ALDOA: variants seen among roughly 807,000 people sequenced by gnomAD.
The protein encoded by ALDOA is fructose-bisphosphate aldolase A.
Under a neutral mutation model 43.9 loss-of-function variants are expected in ALDOA, and 26 were observed. The ratio of observed to expected loss-of-function variants is 0.59; its 90% CI spans 0.43 to 0.82. ALDOA has a LOEUF of 0.82. Among genes scored for constraint, ALDOA ranks in the 40% least tolerant of loss-of-function variants. The probability of loss-of-function intolerance (pLI) is 0.00; values close to 1 mark genes in which losing one functional copy is unlikely to be tolerated. For missense variants in ALDOA, 498 were observed against 549.5 expected (o/e 0.91, Z 0.94); for synonymous variants, 258 against 222.6 (o/e 1.16, Z -1.42).
At position 30,070,288 on chromosome 16, in the gene ALDOA, C is replaced by CTTCAA; in HGVS notation, c.*76_*77insTTCAA. 1 of 1,461,714 alleles carries CTTCAA rather than the reference C, an allele frequency of 6.8e-7. No homozygotes were observed. The highest frequency in any genetic ancestry group is 9.6e-7 in the Non-Finnish European group (1 of 1,043,488). 90.5% of individuals were successfully genotyped at this position (1,461,714 alleles called of 1,614,324 possible). On this transcript the variant is annotated 3_prime_UTR_variant, in exon 10 of 10. Transcript: ENST00000642816. ...ACTCTTGAAGAGGAGGCCGCCTCCT[C>CTTCAA]GGGGCTCCAGGCTGGCTTGCCCGCG... is the stretch of plus-strand genomic sequence containing the variant.
Position 30,070,009 on chromosome 16 carries a change from G to A in ALDOA, c.1141G>A (p.Glu381Lys), listed in dbSNP as rs375546208. 3.7e-5 allele frequency: 59 copies of A among 1,613,728 alleles called. No individual in the cohort carries two copies. The highest frequency in any genetic ancestry group is 4.9e-5 in the Non-Finnish European group (58 of 1,180,036). ...KKENLKAAQEEYVKRALANSL... is the reference protein window; with the variant it reads ...KKENLKAAQEKYVKRALANSL... ...GGAGAACCTGAAGGCTGCGCAGGAG[G>A]AGTATGTCAAGCGAGCCCTGGTAAG... is the stretch of plus-strand genomic sequence containing the variant. Residue 381 changes from glutamate to lysine, a missense_variant, in exon 9 of 10, where the codon GAG (glutamate) becomes AAG (lysine). Transcript: ENST00000642816.
chr16:30,064,680 G>A, upstream of ALDOA: 2 of 389,088 alleles, frequency 5.1e-6, no homozygotes, highest in East Asian at 3.6e-5. Context: ...AGAGAAGATC[G>A]GGGACACATG....
Position 30,067,506 on chromosome 16 carries a change from C to T in ALDOA, c.331C>T (p.Arg111Cys), listed in dbSNP as rs528913350. 8.1e-6 allele frequency: 13 copies of T among 1,613,700 alleles called. No individual in the cohort carries two copies. Among genetic ancestry groups the T allele is most frequent in the Middle Eastern group, 1.6e-4 (1 of 6,062 alleles). Residue 111 changes from arginine to cysteine, a missense_variant, in exon 4 of 10, where the codon CGC becomes TGC. Physicochemically the swap from Arg to Cys is radical, Grantham distance 180. Transcript: ENST00000642816. The stretch of plus-strand genomic sequence containing the variant: ...CACCGAGAACACCGAGGAGAACCGG[C>T]GCTTCTACCGCCAGCTGCTGCTGAC... ...IGTENTEENR[R>C]FYRQLLLTAD...
rs1223292215 is a variant in ALDOA at position 30,070,383 on chromosome 16, A to C, written c.*171A>C. 1.2e-5 allele frequency: 8 copies of C among 651,222 alleles called. No individual in the cohort carries two copies. The highest frequency in any genetic ancestry group is 2.2e-5 in the Non-Finnish European group (8 of 365,124). 40.3% of individuals were successfully genotyped at this position (651,222 alleles called of 1,614,324 possible). ...TGCTAAGTCCATCACCCTTTCCGGCACACTGCCAAATAAACAGCTATTTAA... is the reference window on the plus strand; with the variant it reads ...TGCTAAGTCCATCACCCTTTCCGGCCCACTGCCAAATAAACAGCTATTTAA... On this transcript the variant is annotated 3_prime_UTR_variant, in exon 10 of 10. Transcript: ENST00000642816.
Position 30,070,338 on chromosome 16 carries a change from T to C in ALDOA, c.*126T>C. 7.0e-6 allele frequency: 6 copies of C among 855,276 alleles called. No homozygotes were observed. The highest frequency in any genetic ancestry group is 1.4e-5 in the South Asian group (1 of 70,594). The allele number at this position is 855,276 out of a possible 1,614,324, so 53.0% of individuals were successfully genotyped here. ...GCTCTTTCTTCCCTCGTGACAGTGG[T>C]GTGTGGTGTCGTCTGTGAATGCTAA... On this transcript the variant is annotated 3_prime_UTR_variant, in exon 10 of 10. Transcript: ENST00000642816.
At position 30,068,812 on chromosome 16, in the gene ALDOA, T is replaced by A; in HGVS notation, c.542-6T>A. The A allele has an allele frequency of 6.2e-7, 1 of 1,614,084 alleles. No individual in the cohort carries two copies. Among genetic ancestry groups the A allele is most frequent in the Non-Finnish European group, 8.5e-7 (1 of 1,179,992 alleles). ...ACCGTGCTCTGACCCCTTCCTCTTCTCTTAGGGTTGGATGGGCTGTCTGAG... is the reference window on the plus strand; with the variant it reads ...ACCGTGCTCTGACCCCTTCCTCTTCACTTAGGGTTGGATGGGCTGTCTGAG... On this transcript the variant is annotated splice_region_variant and splice_polypyrimidine_tract_variant and intron_variant, in intron 5 of 9. Coordinates refer to ENST00000642816, the MANE Select transcript of ALDOA (RefSeq NM_001243177.4).
rs1057523259 is a variant in ALDOA, at chr16:30,068,637, C to G, written c.487-9C>G. On this transcript the variant is annotated splice_polypyrimidine_tract_variant and intron_variant, in intron 4 of 9. Coordinates refer to ENST00000642816, the MANE Select transcript of ALDOA (RefSeq NM_001243177.4). ...CTGTGTCTTAATGTTGTTACCCTGA[C>G]CCCAACAGGTAGACAAGGGCGTGGT... 3 of 1,614,012 alleles carry G rather than the reference C, an allele frequency of 1.9e-6. No homozygotes were observed. Among genetic ancestry groups the G allele is most frequent in the Non-Finnish European group, 1.7e-6 (2 of 1,180,010 alleles).
chr16:30,064,716 A>C, upstream of ALDOA: 1 of 298,096 alleles, frequency 3.4e-6, no homozygotes, highest in Middle Eastern at 9.5e-4. Context: ...CTGCCTTATA[A>C]CCAGCCCGGG....
rs775578709 is a variant in ALDOA, at chr16:30,069,531, C to T, written c.819C>T (p.Asp273=). ...CTGCTGTCTACAAGGCTCTGAGTGACCACCACATCTACCTGGAAGGCACCT... is the reference window on the plus strand; with the variant it reads ...CTGCTGTCTACAAGGCTCTGAGTGATCACCACATCTACCTGGAAGGCACCT... ...VLAAVYKALS[D]HHIYLEGTLL... Residue 273 remains aspartate (D), a synonymous_variant, in exon 8 of 10, where the codon GAC becomes GAT. Transcript: ENST00000642816. The T allele has an allele frequency of 2.5e-6, 4 of 1,614,104 alleles. No individual in the cohort carries two copies. The highest frequency in any genetic ancestry group is 3.4e-6 in the Non-Finnish European group (4 of 1,180,026).
upstream of ALDOA, chr16:30,064,961 A>C (rs1342572320): frequency 1.9e-5 from 3 of 154,426 alleles, no homozygotes; most frequent in Admixed American, 2.0e-4. Context: ...GTCAGGCTCA[A>C]GGAAGACGTT....
chr16:30,064,378 G>A (rs938706669), upstream of ALDOA: 7 of 398,674 alleles, frequency 1.8e-5, no homozygotes, highest in Non-Finnish European at 3.1e-5. Flanking sequence ...GAGGGTGGCA[G>A]GGAGGCCACG....
intron 7 of ALDOA, 34 bp from the exon 8 acceptor site, chr16:30,069,465 C>G (rs767685109): frequency 6.2e-7 from 1 of 1,614,024 alleles, no homozygotes; most frequent in Non-Finnish European, 8.5e-7. Context: ...CTCTCCTCCA[C>G]CCCACTACCC....
upstream of ALDOA, among the ~76,000 whole-genome samples, chr16:30,065,346 C>A (rs1262487146): frequency 6.6e-6 from 1 of 152,192 alleles, no homozygotes; most frequent in African/African-American, 2.4e-5. Context: ...CCGCGAAGAC[C>A]GGAAGCTGGG....
In ALDOA at chr16:30,067,495, A is replaced by G. The variant is rs2072158913; in HGVS notation, c.320A>G (p.Glu107Gly). 4 of 1,613,324 alleles carry G rather than the reference A, an allele frequency of 2.5e-6. No homozygotes were observed. The highest frequency in any genetic ancestry group is 3.4e-6 in the Non-Finnish European group (4 of 1,179,926). Reference protein sequence around the residue: ...RLQSIGTENTEENRRFYRQLL... With the variant: ...RLQSIGTENTGENRRFYRQLL... ...CAGTCCATTGGCACCGAGAACACCG[A>G]GGAGAACCGGCGCTTCTACCGCCAG... Residue 107 changes from glutamate (E) to glycine (G), a missense_variant, in exon 4 of 10, where the codon GAG (glutamate) becomes GGG (glycine). Glu to Gly is a moderately conservative substitution (Grantham distance 98). Coordinates refer to ENST00000642816, the MANE Select transcript of ALDOA (RefSeq NM_001243177.4).
chr16:30,067,294 A>G lies in ALDOA; in HGVS notation c.202A>G (p.Lys68Glu), dbSNP rs905273606. Residue 68 changes from lysine to glutamate, a missense_variant, in exon 3 of 10, where the codon AAG (lysine) becomes GAG (glutamate). Physicochemically the swap from Lys to Glu is moderately conservative, Grantham distance 56. Coordinates refer to ENST00000642816, the MANE Select transcript of ALDOA (RefSeq NM_001243177.4). The part of the protein sequence containing the change: ...QYPALTPEQK[K>E]ELSDIAHRIV... ...TCCAGCACTGACCCCGGAGCAGAAG[A>G]AGGAGCTGTCTGACATCGCTCACCG... 11 of 1,612,734 alleles carry G rather than the reference A, an allele frequency of 6.8e-6. No homozygotes were observed. Among genetic ancestry groups the G allele is most frequent in the Middle Eastern group, 2.0e-4 (1 of 5,008 alleles).
rs1180688828 is a variant in ALDOA at position 30,067,025 on chromosome 16, C to CA, written c.129dup (p.Glu44ArgfsTer29). ...CAGCTGGGCAACACCCAGCACCAGA[C>CA]AGAGTTAGGAAAGGTACAGGGGCAG... is the stretch of plus-strand genomic sequence containing the variant. On this transcript the variant is annotated frameshift_variant, in exon 2 of 10. Transcript: ENST00000642816. LOFTEE classifies it high-confidence loss of function. The CA allele has an allele frequency of 1.9e-6, 3 of 1,576,524 alleles. No homozygotes were observed. Among genetic ancestry groups the CA allele is most frequent in the Non-Finnish European group, 2.6e-6 (3 of 1,162,094 alleles).
In ALDOA at chr16:30,067,370, C is replaced by G. The variant is rs200278984; in HGVS notation, c.274+4C>G. ...CTGGCTGCAGATGAGTCCACTGGTGCGGGCAGGAGACAGAATGGGTGGAGG... is the reference window on the plus strand; with the variant it reads ...CTGGCTGCAGATGAGTCCACTGGTGGGGGCAGGAGACAGAATGGGTGGAGG... On this transcript the variant is annotated splice_donor_region_variant and intron_variant, in intron 3 of 9. Coordinates refer to ENST00000642816, the MANE Select transcript of ALDOA (RefSeq NM_001243177.4). The G allele has an allele frequency of 2.6e-5, 42 of 1,613,880 alleles. 1 individual carries two copies. Among genetic ancestry groups the G allele is most frequent in the South Asian group, 1.2e-4 (11 of 91,066 alleles).
Position 30,069,679 on chromosome 16 carries a change from GCC to G in ALDOA, c.961+8_961+9del. ...AGTGCCCCCCGCTGTCACTGGTGAG[GCC>G]CACACTCATCTTGATCTCTATGCAG... On this transcript the variant is annotated splice_region_variant and intron_variant, in intron 8 of 9. Coordinates refer to ENST00000642816, the MANE Select transcript of ALDOA (RefSeq NM_001243177.4). The G allele has an allele frequency of 6.2e-7, 1 of 1,611,952 alleles. No homozygotes were observed. The highest frequency in any genetic ancestry group is 8.5e-7 in the Non-Finnish European group (1 of 1,179,626).
chr16:30,069,476 A>G, intron 7 of ALDOA, 23 bp from the exon 8 acceptor site: 4 of 1,613,878 alleles, frequency 2.5e-6, no homozygotes, highest in Non-Finnish European at 3.4e-6. Flanking sequence ...CCCACTACCC[A>G]CCGTGCGCCT....
Sources: gnomAD v4.1 joint callset for allele counts (sites outside exome capture counted in the v4.1 genomes callset) on GRCh38, gnomAD v4.1.1 for gene constraint, MANE v1.5 for transcripts, NCBI Gene and HGNC (gene_info 2026-07-23, HGNC 2026-07-21) for gene names.